The following SH3TC2 variants were observed in gnomAD, a reference collection of about 807,000 sequenced individuals.
SH3TC2 encodes the protein SH3 domain and tetratricopeptide repeat-containing protein 2.
Under a neutral mutation model 124.5 loss-of-function variants are expected in SH3TC2, and 87 were observed. That is an observed-to-expected ratio of 0.70 (90% CI 0.59 to 0.84). SH3TC2 has a LOEUF of 0.84. SH3TC2 is among the 40% of genes least tolerant of loss of function. SH3TC2 has a pLI of 0.00. For synonymous variants in SH3TC2, 634 were observed against 628.5 expected, an observed-to-expected ratio of 1.01 and a Z score of -0.13; for missense variants, 1,536 against 1,566.4, an observed-to-expected ratio of 0.98 and a Z score of 0.33.
intron 12 of SH3TC2, among the ~76,000 whole-genome samples, chr5:149,023,170 G>A (rs1360538828): frequency 6.6e-6 from 1 of 152,092 alleles, no homozygotes; most frequent in Non-Finnish European, 1.5e-5. Flanking sequence ...TCTTATGTAG[G>A]GCAGACTGTT....
Position 149,004,615 on chromosome 5 carries a change from G to T in SH3TC2, c.*96C>A. 7.5e-7 allele frequency: 1 copy of T among 1,336,456 alleles called. No homozygotes were observed. Among genetic ancestry groups the T allele is most frequent in the Non-Finnish European group, 1.0e-6 (1 of 972,226 alleles). 82.8% of individuals were successfully genotyped at this position (1,336,456 alleles called of 1,614,324 possible). A position where few individuals can be genotyped will look rare whatever the true frequency, so the allele number is the denominator to read the frequency against. ...TTGTGAAATGAGGGGGCTAGGCCAG[G>T]TAAGGACTCGGACCCTCCCAATGAG... On this transcript the variant is annotated 3_prime_UTR_variant, in exon 17 of 17. Transcript: ENST00000515425.
At position 148,993,596 on chromosome 5, in the gene SH3TC2, G is replaced by A. The variant is rs1481427614; in HGVS notation, c.*11115C>T. ...ACACCCTCAGCAATATATCACGGAG[G>A]TCAAAACGTCTGCCAGACTAAACAT... On this transcript the variant is annotated 3_prime_UTR_variant, in exon 17 of 17. Coordinates refer to ENST00000515425, the MANE Select transcript of SH3TC2 (RefSeq NM_024577.4). Among the ~76,000 whole-genome samples the A allele has an allele frequency of 1.3e-5, 2 of 152,162 alleles. No homozygotes were observed. The highest frequency in any genetic ancestry group is 2.9e-5 in the Non-Finnish European group (2 of 68,034).
At chr5:149,033,134 G>C (rs184437588) in intron 8 of SH3TC2, among the ~76,000 whole-genome samples, 1 of 152,238 alleles carries the variant, frequency 6.6e-6, no homozygotes, top group Admixed American at 6.5e-5. Flanking sequence ...GAATTGCATG[G>C]CTAGAAAGTG....
intron 14 of SH3TC2, among the ~76,000 whole-genome samples, chr5:149,009,720 A>T (rs1753752565): frequency 2.0e-5 from 3 of 152,188 alleles, no homozygotes; most frequent in Admixed American, 6.5e-5. Context: ...ATATCTGGAC[A>T]TTCATTTAAT....
At chr5:149,023,230 A>AACT (rs1204332962) in intron 12 of SH3TC2, among the ~76,000 whole-genome samples, 1 of 152,192 alleles carries the variant, frequency 6.6e-6, no homozygotes, top group Non-Finnish European at 1.5e-5. Context: ...ATTCCCCAAT[A>AACT]ACTACCACAG....
At chr5:149,022,879 T>C (rs2127395868) in intron 12 of SH3TC2, among the ~76,000 whole-genome samples, 1 of 152,238 alleles carries the variant, frequency 6.6e-6, no homozygotes, top group African/African-American at 2.4e-5. Context: ...GTTTCCAGGG[T>C]TGGAGTGAGG....
intron 8 of SH3TC2, among the ~76,000 whole-genome samples, chr5:149,036,539 T>C (rs908219254): frequency 1.3e-5 from 2 of 152,180 alleles, no homozygotes; most frequent in African/African-American, 4.8e-5. Flanking sequence ...CTCACCAGAA[T>C]GTATTGGATT....
intron 1 of SH3TC2, among the ~76,000 whole-genome samples, chr5:149,054,725 G>A (rs913209859): frequency 6.6e-6 from 1 of 152,202 alleles, no homozygotes; most frequent in African/African-American, 2.4e-5. Context: ...GGGGCCAAGT[G>A]GTTGCTGTCG....
intron 4 of SH3TC2, chr5:149,044,180 A>T (rs1054982591): frequency 3.7e-6 from 1 of 268,386 alleles, no homozygotes; most frequent in African/African-American, 2.2e-5. Flanking sequence ...CTTACTCAAG[A>T]TTAGTTCCCT....
chr5:149,019,618 C>A (rs891788980), intron 12 of SH3TC2, among the ~76,000 whole-genome samples: 2 of 152,146 alleles, frequency 1.3e-5, no homozygotes, highest in African/African-American at 4.8e-5. Context: ...AAAGTTTACT[C>A]CTCCATAAAA....
Position 148,989,266 on chromosome 5 carries a change from T to C in SH3TC2, c.*15445A>G, listed in dbSNP as rs1418635771. On this transcript the variant is annotated 3_prime_UTR_variant, in exon 17 of 17. Transcript: ENST00000515425. ...CACCATGCTAACTGCTTTAGACATATTAATTCATTAATTTTACAATAACTT... is the reference window on the plus strand; with the variant it reads ...CACCATGCTAACTGCTTTAGACATACTAATTCATTAATTTTACAATAACTT... Among the ~76,000 whole-genome samples the C allele has an allele frequency of 6.6e-6, 1 of 152,240 alleles. No homozygotes were observed. Among genetic ancestry groups the C allele is most frequent in the Non-Finnish European group, 1.5e-5 (1 of 68,038 alleles).
At chr5:149,013,994 C>A (rs898813529) in intron 12 of SH3TC2, among the ~76,000 whole-genome samples, 2 of 152,180 alleles carry the variant, frequency 1.3e-5, no homozygotes, top group Non-Finnish European at 2.9e-5. Flanking sequence ...TTGAGACTTG[C>A]TGATCTAGTC....
chr5:149,000,587 T>A lies in SH3TC2; in HGVS notation c.*4124A>T, dbSNP rs114609124. Among the ~76,000 whole-genome samples the A allele has an allele frequency of 5.0e-3, 755 of 152,240 alleles. 10 individuals carry two copies. Among genetic ancestry groups the A allele is most frequent in the African/African-American group, 0.017 (714 of 41,536 alleles). ...ATATGAGTAAAAGAAGTAAATCAAT[T>A]TAGAAAATGTTTTGTAAAGGCTCTT... On this transcript the variant is annotated 3_prime_UTR_variant, in exon 17 of 17. Coordinates refer to ENST00000515425, the MANE Select transcript of SH3TC2 (RefSeq NM_024577.4).
chr5:149,012,929 TG>T (rs1753808719), intron 12 of SH3TC2, among the ~76,000 whole-genome samples, 195 bp from the exon 13 acceptor site: 1 of 152,132 alleles, frequency 6.6e-6, no homozygotes, highest in South Asian at 2.1e-4. Context: ...TTCTGTGCCT[TG>T]GTTTCCTTAT....
At chr5:149,049,776 C>G (rs1489831615) in intron 2 of SH3TC2, among the ~76,000 whole-genome samples, 1 of 151,668 alleles carries the variant, frequency 6.6e-6, no homozygotes, top group Admixed American at 6.6e-5. Context: ...GAGCAAGACC[C>G]TGTCTCAAGG....
rs866228159 is a variant in SH3TC2, at chr5:148,999,403, T to C, written c.*5308A>G. 1.2e-4 allele frequency among the ~76,000 whole-genome samples: 18 copies of C among 152,312 alleles called. No individual in the cohort carries two copies. The Middle Eastern group carries it at 0.014, about 115-fold the overall frequency. On this transcript the variant is annotated 3_prime_UTR_variant, in exon 17 of 17. Transcript: ENST00000515425. The stretch of plus-strand genomic sequence containing the variant: ...AGTAAGAAACAGATTCTAACCTAAG[T>C]ATGCCCAACTCCAAAACACATTACA...
In SH3TC2 at chr5:149,034,447, A is replaced by C. The variant is rs1349687730; in HGVS notation, c.1002-2760T>G. On this transcript the variant is annotated intron_variant, in intron 8 of 16. Transcript: ENST00000515425. ...AAGAACGAGAGAGAGGCAATATTCA[A>C]AGGAAGAAGGACTGAAAATTTTCCA... The C allele has an allele frequency of 1.5e-5, 6 of 395,346 alleles. No individual in the cohort carries two copies. In the Admixed American group the frequency reaches 1.7e-4, roughly 11 times the overall value. 24.5% of individuals were successfully genotyped at this position (395,346 alleles called of 1,614,324 possible).
rs35182601 is a variant in SH3TC2, at chr5:148,992,600, G to GTTTTTTTTT, written c.*12102_*12110dup. ...ATAATTCCAAGAAGAGATTTCATTG[G>GTTTTTTTTT]TTTTTTTTTTTTTTTTTTTTTTCAG... On this transcript the variant is annotated 3_prime_UTR_variant, in exon 17 of 17. Transcript: ENST00000515425. Among the ~76,000 whole-genome samples the GTTTTTTTTT allele has an allele frequency of 9.8e-6, 1 of 102,496 alleles. No homozygotes were observed. Among genetic ancestry groups the GTTTTTTTTT allele is most frequent in the African/African-American group, 3.6e-5 (1 of 27,474 alleles). 67.2% of individuals were successfully genotyped at this position (102,496 alleles called of 152,430 possible). A position where few individuals can be genotyped will look rare whatever the true frequency, so the allele number is the denominator to read the frequency against.
intron 12 of SH3TC2, among the ~76,000 whole-genome samples, chr5:149,019,254 A>G (rs1032959879): frequency 3.9e-5 from 6 of 151,914 alleles, no homozygotes; most frequent in African/African-American, 1.5e-4. Context: ...GTGCATAGAA[A>G]CACCCGTTTA....
Sources: allele counts gnomAD v4.1 joint callset (sites outside exome capture counted in the v4.1 genomes callset), GRCh38; gene constraint gnomAD v4.1.1; transcripts MANE v1.5; gene names NCBI Gene and HGNC (gene_info 2026-07-23, HGNC 2026-07-21).